The following PPP1CB variants were observed in gnomAD, a reference collection of about 807,000 sequenced individuals.
PPP1CB encodes the protein protein phosphatase 1 catalytic subunit beta.
PPP1CB carries 2 observed loss-of-function variants against 43.7 expected under a neutral mutation model. The ratio of observed to expected loss-of-function variants is 0.05; its 90% CI spans 0.02 to 0.14. PPP1CB has a LOEUF of 0.14. Among genes scored for constraint, PPP1CB ranks in the 10% least tolerant of loss-of-function variants. The pLI, the probability that PPP1CB is intolerant of heterozygous loss-of-function variation, is 1.00. For missense variants in PPP1CB, 84 were observed against 398.0 expected (o/e 0.21, Z 6.71); for synonymous variants, 136 against 135.6 (o/e 1.00, Z -0.02).
intron 7 of PPP1CB, among the ~76,000 whole-genome samples, chr2:28,797,114 A>C (rs960661830): frequency 5.9e-5 from 9 of 152,128 alleles, no homozygotes; most frequent in Non-Finnish European, 1.3e-4. Context: ...GCACCCCAGG[A>C]ATAAACCCTT....
rs932069049 is a variant in PPP1CB at position 28,770,083 on chromosome 2, A to G, written c.53-6768A>G. Among the ~76,000 whole-genome samples, 127 of 152,158 alleles carry G rather than the reference A, an allele frequency of 8.3e-4. 1 individual carries two copies. The highest frequency in any genetic ancestry group is 1.6e-4 in the Non-Finnish European group (11 of 68,030). On this transcript the variant is annotated intron_variant, in intron 1 of 7. Coordinates refer to ENST00000395366, the MANE Select transcript of PPP1CB (RefSeq NM_002709.3). Reference sequence around the variant, plus strand: ...CAGGAGTTCAAGACCAGCCTGGCCAACATGGTGAAACCCTATCTCTACTAA... The same window carrying G: ...CAGGAGTTCAAGACCAGCCTGGCCAGCATGGTGAAACCCTATCTCTACTAA...
At chr2:28,782,487 C>T (rs1055957066) in intron 4 of PPP1CB, 7 of 152,908 alleles carry the variant, frequency 4.6e-5, no homozygotes, top group African/African-American at 1.7e-4. Context: ...TATGTCAGAA[C>T]TTATTAAGAC....
At chr2:28,786,275 A>C (rs1667264035) in intron 5 of PPP1CB, among the ~76,000 whole-genome samples, 1 of 152,006 alleles carries the variant, frequency 6.6e-6, no homozygotes, top group South Asian at 2.1e-4. Flanking sequence ...CACTGTGCCC[A>C]GCTAATTTTT....
At chr2:28,763,579 T>C (rs939617093) in intron 1 of PPP1CB, among the ~76,000 whole-genome samples, 1 of 152,222 alleles carries the variant, frequency 6.6e-6, no homozygotes, top group Non-Finnish European at 1.5e-5. Context: ...TTTTTACTTA[T>C]GCTTTGTGAA....
In PPP1CB at chr2:28,763,016, C is replaced by T. The variant is rs142171976; in HGVS notation, c.52+10840C>T. Among the ~76,000 whole-genome samples, 675 of 152,250 alleles carry T rather than the reference C, an allele frequency of 4.4e-3. 8 individuals are homozygous for T. Among genetic ancestry groups the T allele is most frequent in the African/African-American group, 0.013 (526 of 41,536 alleles). ...GACAGGGTCACTTTGTTCATGTTCA[C>T]GTGTATCTGTTGAATATCTAAGTCT... On this transcript the variant is annotated intron_variant, in intron 1 of 7. Transcript: ENST00000395366.
At chr2:28,759,128 CACTT>C (rs750823339) in intron 1 of PPP1CB, among the ~76,000 whole-genome samples, 19 of 152,194 alleles carry the variant, frequency 1.2e-4, no homozygotes, top group Non-Finnish European at 2.1e-4. Flanking sequence ...AAATTCCTGT[CACTT>C]AGTGACATCA....
At chr2:28,754,017 T>A (rs1365469198) in intron 1 of PPP1CB, among the ~76,000 whole-genome samples, 1 of 152,218 alleles carries the variant, frequency 6.6e-6, no homozygotes, top group African/African-American at 2.4e-5. Context: ...ATTACAGGCG[T>A]GAGCCATCGC....
At position 28,800,226 on chromosome 2, in the gene PPP1CB, CTTTTTTTTTT is replaced by C. The variant is rs55736905; in HGVS notation, c.*937_*946del. 2.7e-4 allele frequency: 18 copies of C among 65,616 alleles called. No individual in the cohort carries two copies. The East Asian group carries it at 7.2e-3, about 26-fold the overall frequency. 4.1% of individuals were successfully genotyped at this position (65,616 alleles called of 1,614,324 possible). On this transcript the variant is annotated 3_prime_UTR_variant, in exon 8 of 8. Coordinates refer to ENST00000395366, the MANE Select transcript of PPP1CB (RefSeq NM_002709.3). The stretch of plus-strand genomic sequence containing the variant: ...TTGGTTTTCTTTTTCTTTTTTCTTT[CTTTTTTTTTT>C]TTTTTTTTTTTTTGAGTTGTTGTTT...
In PPP1CB at chr2:28,752,183, G is replaced by A. The variant is rs1572436233; in HGVS notation, c.52+7G>A. The A allele has an allele frequency of 6.5e-7, 1 of 1,542,014 alleles. No individual in the cohort carries two copies. The highest frequency in any genetic ancestry group is 2.5e-5 in the East Asian group (1 of 39,526). On this transcript the variant is annotated splice_region_variant and intron_variant, in intron 1 of 7. Coordinates refer to ENST00000395366, the MANE Select transcript of PPP1CB (RefSeq NM_002709.3). ...ATCACCCGGCTGCTGGAGGGTGAGT[G>A]CGCGCCTGGCCGCGGGACAGAGGGA... is the stretch of plus-strand genomic sequence containing the variant.
chr2:28,787,138 A>G (rs1323848988), intron 5 of PPP1CB, among the ~76,000 whole-genome samples: 2 of 152,168 alleles, frequency 1.3e-5, no homozygotes, highest in African/African-American at 2.4e-5. Context: ...ATTATTTAAA[A>G]TTCTTAAAAC....
chr2:28,777,595 T>C (rs1026486777), intron 2 of PPP1CB, among the ~76,000 whole-genome samples: 4 of 152,222 alleles, frequency 2.6e-5, no homozygotes, highest in African/African-American at 9.6e-5. Flanking sequence ...TACAGTCCTT[T>C]GTACAGTGCC....
intron 1 of PPP1CB, among the ~76,000 whole-genome samples, chr2:28,755,050 TG>T (rs1166950548): frequency 6.6e-6 from 1 of 152,168 alleles, no homozygotes. Flanking sequence ...AAGTTTTTTT[TG>T]TTTTTTGTTT....
At chr2:28,777,517 T>C (rs1325699231) in intron 2 of PPP1CB, among the ~76,000 whole-genome samples, 1 of 152,238 alleles carries the variant, frequency 6.6e-6, no homozygotes, top group Non-Finnish European at 1.5e-5. Flanking sequence ...TTTGATGTTA[T>C]TTAAATTTGT....
At chr2:28,788,408 C>T (rs1302096705) in intron 5 of PPP1CB, among the ~76,000 whole-genome samples, 11 of 152,150 alleles carry the variant, frequency 7.2e-5, no homozygotes, top group Non-Finnish European at 2.9e-5. Flanking sequence ...GTGCCATGCA[C>T]ATATTTCCTA....
intron 3 of PPP1CB, among the ~76,000 whole-genome samples, chr2:28,780,084 CTTTTTTTTT>C (rs10559224): frequency 1.7e-3 from 224 of 131,816 alleles, no homozygotes; most frequent in Non-Finnish European, 2.7e-3. Context: ...TCTTTTCTTT[CTTTTTTTTT>C]TTTTTTTTTT....
intron 7 of PPP1CB, among the ~76,000 whole-genome samples, chr2:28,794,471 A>G (rs1667453864): frequency 6.6e-6 from 1 of 152,150 alleles, no homozygotes; most frequent in Non-Finnish European, 1.5e-5. Context: ...TGGGCGGATC[A>G]TGAGGTCAGG....
intron 7 of PPP1CB, 58 bp from the exon 8 acceptor site, chr2:28,799,141 A>T: frequency 8.2e-7 from 1 of 1,217,242 alleles, no homozygotes; most frequent in South Asian, 1.4e-5. Context: ...AATTGTAACA[A>T]TTTTCTTAAC....
chr2:28,775,378 G>A (rs536730184), intron 1 of PPP1CB, among the ~76,000 whole-genome samples: 1 of 152,188 alleles, frequency 6.6e-6, no homozygotes, highest in East Asian at 1.9e-4. Flanking sequence ...CAATGTGCTG[G>A]GATTACAGGT....
At chr2:28,776,253 TTC>T (rs1408531320) in intron 1 of PPP1CB, among the ~76,000 whole-genome samples, 1 of 151,580 alleles carries the variant, frequency 6.6e-6, no homozygotes, top group African/African-American at 2.4e-5. Context: ...GTTGTTTTTT[TTC>T]TGTTTGTTTG....
Sources: gnomAD v4.1 joint callset for allele counts (sites outside exome capture counted in the v4.1 genomes callset) on GRCh38, gnomAD v4.1.1 for gene constraint, MANE v1.5 for transcripts, NCBI Gene and HGNC (gene_info 2026-07-23, HGNC 2026-07-21) for gene names.